PDGFC: variants seen among roughly 807,000 people sequenced by gnomAD.
PDGFC encodes the protein platelet derived growth factor C.
PDGFC carries 12 observed loss-of-function variants against 35.5 expected under a neutral mutation model. That is an observed-to-expected ratio of 0.34 (90% CI 0.22 to 0.55). PDGFC has a LOEUF of 0.55. Among genes scored for constraint, PDGFC ranks in the 20% least tolerant of loss-of-function variants. PDGFC has a pLI of 0.91. For missense variants in PDGFC, 322 were observed against 412.4 expected (o/e 0.78, Z 1.90); for synonymous variants, 159 against 148.8 (o/e 1.07, Z -0.50).
rs1042925849 is a variant in PDGFC, at chr4:156,838,135, G to A, written c.314+12086C>T. On this transcript the variant is annotated intron_variant, in intron 2 of 5. Transcript: ENST00000502773. ...CTTTATTCTGTGTCCAGAAGTGCGC[G>A]TAGTAAAAACAGTAACTAAATTTGA... Among the ~76,000 whole-genome samples, 7 of 152,310 alleles carry A rather than the reference G, an allele frequency of 4.6e-5. No homozygotes were observed. The South Asian group carries it at 6.2e-4, about 14-fold the overall frequency.
At chr4:156,936,444 T>C (rs988161588) in intron 1 of PDGFC, among the ~76,000 whole-genome samples, 2 of 152,204 alleles carry the variant, frequency 1.3e-5, no homozygotes, top group Admixed American at 6.5e-5. Context: ...GTTTAATAAA[T>C]GATTACTTTG....
rs904680694 is a variant in PDGFC, at chr4:156,953,386, C to T, written c.118+17400G>A. On this transcript the variant is annotated intron_variant, in intron 1 of 5. Coordinates refer to ENST00000502773, the MANE Select transcript of PDGFC (RefSeq NM_016205.3). The stretch of plus-strand genomic sequence containing the variant: ...TAAAGTCAACTAATGGTAAAGGGAT[C>T]AGAAGGAGTCTGAGATTCTAAAAAG... Among the ~76,000 whole-genome samples, 9 of 152,040 alleles carry T rather than the reference C, an allele frequency of 5.9e-5. No homozygotes were observed. The South Asian group carries it at 1.9e-3, about 31-fold the overall frequency.
chr4:156,897,595 G>A lies in PDGFC; in HGVS notation c.119-47179C>T, dbSNP rs191614756. Among the ~76,000 whole-genome samples the A allele has an allele frequency of 3.5e-3, 530 of 152,158 alleles. 4 individuals carry two copies. The highest frequency in any genetic ancestry group is 0.012 in the African/African-American group (501 of 41,500). On this transcript the variant is annotated intron_variant, in intron 1 of 5. Transcript: ENST00000502773. Reference sequence around the variant, plus strand: ...TTTTCTACATTAAAAATGAATTGAAGTAGGAGAAAATGAGTCAACTAAATG... The same window carrying A: ...TTTTCTACATTAAAAATGAATTGAAATAGGAGAAAATGAGTCAACTAAATG...
chr4:156,888,536 T>G (rs1454156687), intron 1 of PDGFC, among the ~76,000 whole-genome samples: 2 of 152,216 alleles, frequency 1.3e-5, no homozygotes, highest in African/African-American at 4.8e-5. Flanking sequence ...TTTCTTACTC[T>G]ATTATCAAGA....
chr4:156,773,580 A>G (rs1730744665), intron 3 of PDGFC: 1 of 152,244 alleles, frequency 6.6e-6, no homozygotes, highest in African/African-American at 2.4e-5. Context: ...AAAAATGGGC[A>G]TATTACAGAT....
intron 1 of PDGFC, among the ~76,000 whole-genome samples, chr4:156,963,494 A>T (rs1198442572): frequency 6.6e-6 from 1 of 151,852 alleles, no homozygotes; most frequent in East Asian, 1.9e-4. Flanking sequence ...CAAAACAAAT[A>T]CAAAAGGGAA....
At chr4:156,913,288 AC>A (rs1448405654) in intron 1 of PDGFC, among the ~76,000 whole-genome samples, 5 of 152,176 alleles carry the variant, frequency 3.3e-5, no homozygotes, top group Admixed American at 1.3e-4. Flanking sequence ...ACAGAGCCCT[AC>A]AACGGAGTTG....
intron 1 of PDGFC, among the ~76,000 whole-genome samples, chr4:156,865,864 T>C (rs1369074562): frequency 2.3e-4 from 35 of 152,188 alleles, no homozygotes; most frequent in African/African-American, 2.4e-5. Flanking sequence ...TAGCATAAAA[T>C]AGATTTAATT....
intron 4 of PDGFC, among the ~76,000 whole-genome samples, chr4:156,772,178 T>C (rs1028828706): frequency 6.6e-6 from 1 of 152,192 alleles, no homozygotes; most frequent in African/African-American, 2.4e-5. Flanking sequence ...TTCTATTTTA[T>C]GTTGGGTCGT....
At chr4:156,808,205 C>CT (rs1731826082) in intron 3 of PDGFC, among the ~76,000 whole-genome samples, 1 of 151,992 alleles carries the variant, frequency 6.6e-6, no homozygotes, top group South Asian at 2.1e-4. Context: ...TTGGACAACT[C>CT]TAAGATGAAA....
At chr4:156,936,415 G>A (rs1441695540) in intron 1 of PDGFC, among the ~76,000 whole-genome samples, 1 of 152,138 alleles carries the variant, frequency 6.6e-6, no homozygotes, top group Non-Finnish European at 1.5e-5. Context: ...GGAGAGGGAA[G>A]AACTAATACA....
chr4:156,844,194 G>T (rs759292100), intron 2 of PDGFC, among the ~76,000 whole-genome samples: 1 of 152,182 alleles, frequency 6.6e-6, no homozygotes, highest in Non-Finnish European at 1.5e-5. Context: ...GTGTCATGGT[G>T]TCTTAGAAGC....
At position 156,848,412 on chromosome 4, in the gene PDGFC, G is replaced by C. The variant is rs564585135; in HGVS notation, c.314+1809C>G. ...AAAACACTGAAACCATTGTCAGAAAGTCTCAAAGTTTTATTGCTCTTTTGC... is the reference window on the plus strand; with the variant it reads ...AAAACACTGAAACCATTGTCAGAAACTCTCAAAGTTTTATTGCTCTTTTGC... On this transcript the variant is annotated intron_variant, in intron 2 of 5. Coordinates refer to ENST00000502773, the MANE Select transcript of PDGFC (RefSeq NM_016205.3). 9.9e-5 allele frequency among the ~76,000 whole-genome samples: 15 copies of C among 152,018 alleles called. No individual in the cohort carries two copies. In the South Asian group the frequency reaches 3.1e-3, roughly 31 times the overall value.
chr4:156,864,054 T>A (rs745533071), intron 1 of PDGFC, among the ~76,000 whole-genome samples: 5 of 152,170 alleles, frequency 3.3e-5, no homozygotes, highest in Non-Finnish European at 7.4e-5. Flanking sequence ...TTAACTACTG[T>A]ATCTCCTAAC....
intron 1 of PDGFC, among the ~76,000 whole-genome samples, chr4:156,913,071 A>C (rs530457928): frequency 6.6e-6 from 1 of 152,142 alleles, no homozygotes; most frequent in Admixed American, 6.6e-5. Context: ...TTTGGCTCTT[A>C]AAAGTTGGTC....
intron 1 of PDGFC, among the ~76,000 whole-genome samples, chr4:156,867,615 G>A (rs889951909): frequency 3.3e-5 from 5 of 152,158 alleles, no homozygotes; most frequent in African/African-American, 4.8e-5. Context: ...TAAGAAGAGC[G>A]GCAGGTCATC....
chr4:156,949,936 A>C (rs983242755), intron 1 of PDGFC, among the ~76,000 whole-genome samples: 1 of 151,944 alleles, frequency 6.6e-6, no homozygotes, highest in African/African-American at 2.4e-5. Flanking sequence ...TAAGCATAAC[A>C]GGAAATAAAA....
At chr4:156,916,253 C>A (rs1731155004) in intron 1 of PDGFC, among the ~76,000 whole-genome samples, 1 of 152,104 alleles carries the variant, frequency 6.6e-6, no homozygotes, top group Non-Finnish European at 1.5e-5. Flanking sequence ...GCAAAAGGGC[C>A]TCTCACCCTG....
chr4:156,898,187 G>C lies in PDGFC; in HGVS notation c.119-47771C>G, dbSNP rs1166054369. Among the ~76,000 whole-genome samples the C allele has an allele frequency of 2.0e-5, 3 of 152,136 alleles. No homozygotes were observed. The South Asian group carries it at 6.2e-4, about 32-fold the overall frequency. Reference sequence around the variant, plus strand: ...AGCTCACTTGCCTCTTCCACTATGTGAGGAAGAAGATGGTCATCAATGAAC... The same window carrying C: ...AGCTCACTTGCCTCTTCCACTATGTCAGGAAGAAGATGGTCATCAATGAAC... On this transcript the variant is annotated intron_variant, in intron 1 of 5. Coordinates refer to ENST00000502773, the MANE Select transcript of PDGFC (RefSeq NM_016205.3).
Sources: gnomAD v4.1 joint callset for allele counts (sites outside exome capture counted in the v4.1 genomes callset) on GRCh38, gnomAD v4.1.1 for gene constraint, MANE v1.5 for transcripts, NCBI Gene and HGNC (gene_info 2026-07-23, HGNC 2026-07-21) for gene names.